Variants in DIO2 observed in about 807,000 individuals in gnomAD.
DIO2 encodes the protein iodothyronine deiodinase 2, also known as type II iodothyronine deiodinase.
Under a neutral mutation model 21.4 loss-of-function variants are expected in DIO2, and 19 were observed. The ratio of observed to expected loss-of-function variants is 0.89; its 90% CI spans 0.62 to 1.30. The LOEUF (loss-of-function observed/expected upper bound fraction) is 1.30. Ranked by LOEUF, DIO2 falls within the 50% of genes most tolerant of loss-of-function variation. The pLI is 0.00. For synonymous variants in DIO2, 122 were observed against 132.9 expected, an observed-to-expected ratio of 0.92 and a Z score of 0.57; for missense variants, 302 against 338.1, an observed-to-expected ratio of 0.89 and a Z score of 0.84.
chr14:80,223,440 T>C (rs945005363), intron 2 of DIO2, among the ~76,000 whole-genome samples: 1 of 152,154 alleles, frequency 6.6e-6, no homozygotes, highest in African/African-American at 2.4e-5. Context: ...GTAGGCAATA[T>C]GTTGTGTTGC....
At chr14:80,219,141 C>A (rs1258785975) in intron 2 of DIO2, among the ~76,000 whole-genome samples, 2 of 152,144 alleles carry the variant, frequency 1.3e-5, no homozygotes. Context: ...ACAACAGACT[C>A]TCTCTTCTAG....
chr14:80,217,699 A>C (rs888143849), intron 2 of DIO2, among the ~76,000 whole-genome samples: 4 of 152,168 alleles, frequency 2.6e-5, no homozygotes, highest in Non-Finnish European at 4.4e-5. Context: ...ATGTCAGGGG[A>C]ATTTTCTGTC....
At chr14:80,230,306 C>A (rs1344584793) in intron 2 of DIO2, among the ~76,000 whole-genome samples, 1 of 152,150 alleles carries the variant, frequency 6.6e-6, no homozygotes, top group Non-Finnish European at 1.5e-5. Context: ...CAGTAGACAC[C>A]TGGTGAGGCT....
At chr14:80,205,950 G>A (rs1030412991) in intron 1 of DIO2, among the ~76,000 whole-genome samples, 1 of 152,116 alleles carries the variant, frequency 6.6e-6, no homozygotes, top group African/African-American at 2.4e-5. Flanking sequence ...TAAGCTCACT[G>A]AGGCAGATAA....
chr14:80,213,285 A>T (rs565662148), upstream of DIO2, among the ~76,000 whole-genome samples: 3 of 152,258 alleles, frequency 2.0e-5, no homozygotes, highest in African/African-American at 7.2e-5. Context: ...TCAGTGATAG[A>T]TACTGAGTTT....
At chr14:80,211,111 T>C in intron 1 of DIO2, 140 bp downstream of exon 1, 1 of 731,438 alleles carries the variant, frequency 1.4e-6, no homozygotes. Flanking sequence ...GTGTGGAAAG[T>C]AAACTTAGAG....
intron 1 of DIO2, among the ~76,000 whole-genome samples, chr14:80,208,926 T>A (rs529912499): frequency 2.0e-4 from 30 of 152,344 alleles, no homozygotes; most frequent in African/African-American, 7.0e-4. Flanking sequence ...CTGCACATGG[T>A]AGCTATTACA....
At chr14:80,220,706 C>T (rs1184173309) in intron 2 of DIO2, among the ~76,000 whole-genome samples, 1 of 152,146 alleles carries the variant, frequency 6.6e-6, no homozygotes, top group Non-Finnish European at 1.5e-5. Flanking sequence ...TTCCATTCTT[C>T]CAATTCTCCT....
At chr14:80,226,123 G>A (rs998305743) in intron 2 of DIO2, among the ~76,000 whole-genome samples, 1 of 152,172 alleles carries the variant, frequency 6.6e-6, no homozygotes, top group African/African-American at 2.4e-5. Flanking sequence ...TCGGCCATGT[G>A]AGAAAGAGTA....
At chr14:80,207,176 C>T (rs143186712) in intron 1 of DIO2, among the ~76,000 whole-genome samples, 1 of 152,182 alleles carries the variant, frequency 6.6e-6, no homozygotes, top group Admixed American at 6.5e-5. Flanking sequence ...AAGACATCTC[C>T]GGGCCAAGTT....
upstream of DIO2, among the ~76,000 whole-genome samples, chr14:80,215,650 CAAAT>C (rs558934645): frequency 7.8e-4 from 119 of 152,254 alleles, no homozygotes; most frequent in African/African-American, 2.8e-3. Flanking sequence ...AAAAACATGT[CAAAT>C]AAACACATTA....
upstream of DIO2, among the ~76,000 whole-genome samples, chr14:80,214,715 T>G (rs1888310297): frequency 6.6e-6 from 1 of 152,216 alleles, no homozygotes; most frequent in Admixed American, 6.5e-5. Context: ...GCACAATTGC[T>G]CATTCCAGTT....
rs186359709 is a variant in DIO2 at position 80,199,664 on chromosome 14, A to G, written c.*3025T>C. ...ATAGGTCCAAGACATAAGTCTTTCA[A>G]ACAATAAGTGTTTGAGTAGACCCAG... On this transcript the variant is annotated 3_prime_UTR_variant, in exon 2 of 2. Coordinates refer to ENST00000438257, the MANE Select transcript of DIO2 (RefSeq NM_013989.5). 1 of 152,756 alleles carries G rather than the reference A, an allele frequency of 6.5e-6. No homozygotes were observed. Among genetic ancestry groups the G allele is most frequent in the East Asian group, 1.9e-4 (1 of 5,188 alleles). The allele number at this position is 152,756 out of a possible 1,614,324, so 9.5% of individuals were successfully genotyped here.
chr14:80,205,767 T>C lies in DIO2; in HGVS notation c.223-2479A>G, dbSNP rs748487658. 5.6e-6 allele frequency: 7 copies of C among 1,246,994 alleles called. No homozygotes were observed. In the East Asian group the frequency reaches 2.1e-4, roughly 38 times the overall value. 77.2% of individuals were successfully genotyped at this position (1,246,994 alleles called of 1,614,324 possible). ...TAAAAAAATTAGGAAAGTTACCAAA[T>C]TCGTAATGCTCTTTATGGGGGGGAT... On this transcript the variant is annotated intron_variant, in intron 1 of 1. Coordinates refer to ENST00000438257, the MANE Select transcript of DIO2 (RefSeq NM_013989.5).
chr14:80,199,456 G>A lies in DIO2; in HGVS notation c.*3233C>T, dbSNP rs1032823327. 4 of 152,204 alleles carry A rather than the reference G, an allele frequency of 2.6e-5. No individual in the cohort carries two copies. Among genetic ancestry groups the A allele is most frequent in the African/African-American group, 7.2e-5 (3 of 41,448 alleles). The allele number at this position is 152,204 out of a possible 1,614,324, so 9.4% of individuals were successfully genotyped here. On this transcript the variant is annotated 3_prime_UTR_variant, in exon 2 of 2. Transcript: ENST00000438257. ...AGAAAGTCATGTAAGTTAAGTGACT[G>A]TCACTTAGCTATACAAAGTAGGAAC... is the stretch of plus-strand genomic sequence containing the variant.
rs567250218 is a variant in DIO2, at chr14:80,198,092, A to T, written c.*4597T>A. The T allele has an allele frequency of 1.4e-4, 22 of 152,676 alleles. No individual in the cohort carries two copies. Among genetic ancestry groups the T allele is most frequent in the African/African-American group, 5.3e-4 (22 of 41,554 alleles). 9.5% of individuals were successfully genotyped at this position (152,676 alleles called of 1,614,324 possible). ...CTTGAGAGAATTTTCTTTATTTCCC[A>T]TCCCCTTCTGTGGGTTTCTTTCATT... On this transcript the variant is annotated 3_prime_UTR_variant, in exon 2 of 2. Transcript: ENST00000438257.
At position 80,198,144 on chromosome 14, in the gene DIO2, G is replaced by A. The variant is rs1887555336; in HGVS notation, c.*4545C>T. ...ATGTGTTTACCTGTTGGCTTTTTGA[G>A]GGGAGGGGGAGAAGTGGAGGGTTTG... On this transcript the variant is annotated 3_prime_UTR_variant, in exon 2 of 2. Transcript: ENST00000438257. 1 of 152,722 alleles carries A rather than the reference G, an allele frequency of 6.5e-6. No individual in the cohort carries two copies. The highest frequency in any genetic ancestry group is 6.5e-5 in the Admixed American group (1 of 15,298). The allele number at this position is 152,722 out of a possible 1,614,324, so 9.5% of individuals were successfully genotyped here.
At chr14:80,211,510 G>T (rs1336488881), upstream of DIO2, 21 of 1,333,886 alleles carry the variant, frequency 1.6e-5, no homozygotes, top group Non-Finnish European at 2.1e-5. Flanking sequence ...TGTGCGCTCT[G>T]GTTCCCCTTC....
chr14:80,215,802 A>T (rs1333518627), upstream of DIO2, among the ~76,000 whole-genome samples: 3 of 152,200 alleles, frequency 2.0e-5, no homozygotes, highest in African/African-American at 7.2e-5. Context: ...GCCTCCAGTG[A>T]CTCTGCCTGA....
Sources: gnomAD v4.1 joint callset for allele counts (sites outside exome capture counted in the v4.1 genomes callset) on GRCh38, gnomAD v4.1.1 for gene constraint, MANE v1.5 for transcripts, NCBI Gene and HGNC (gene_info 2026-07-23, HGNC 2026-07-21) for gene names.